Variants in A4GNT observed in about 807,000 individuals in gnomAD.
A4GNT encodes alpha-1,4-N-acetylglucosaminyltransferase.
Under a neutral mutation model 8.3 loss-of-function variants are expected in A4GNT, and 6 were observed. The ratio of observed to expected loss-of-function variants is 0.72; its 90% CI spans 0.39 to 1.42. The LOEUF is 1.42. Ranked by LOEUF, A4GNT falls within the 40% of genes most tolerant of loss-of-function variation. A4GNT has a pLI of 0.02. For missense variants in A4GNT, 377 were observed against 417.0 expected, an observed-to-expected ratio of 0.90 and a Z score of 0.84; for synonymous variants, 157 against 159.8, an observed-to-expected ratio of 0.98 and a Z score of 0.13.
chr3:138,131,341 A>C lies in A4GNT; in HGVS notation c.-26-59T>G, dbSNP rs537260437. 166 of 1,324,440 alleles carry C rather than the reference A, an allele frequency of 1.3e-4. 1 individual carries two copies. Among genetic ancestry groups the C allele is most frequent in the Middle Eastern group, 2.3e-4 (1 of 4,266 alleles). 82.0% of individuals were successfully genotyped at this position (1,324,440 alleles called of 1,614,324 possible). On this transcript the variant is annotated intron_variant, in intron 1 of 2. Transcript: ENST00000236709. The stretch of plus-strand genomic sequence containing the variant: ...CTGCAAAACCTGACAAAGATAGCAC[A>C]CAAGAAAATGATACATGAATATCAT...
rs552519223 is a variant in A4GNT, at chr3:138,125,941, G to A, written c.409-1063C>T. Among the ~76,000 whole-genome samples, 11 of 152,288 alleles carry A rather than the reference G, an allele frequency of 7.2e-5. No homozygotes were observed. The South Asian group carries it at 2.1e-3, about 29-fold the overall frequency. ...TGAGATCAGAATTGGAGAGGGGTGGGGAGGGAGGCCGGATCATGTAGGCTG... is the reference window on the plus strand; with the variant it reads ...TGAGATCAGAATTGGAGAGGGGTGGAGAGGGAGGCCGGATCATGTAGGCTG... On this transcript the variant is annotated intron_variant, in intron 2 of 2. Coordinates refer to ENST00000236709, the MANE Select transcript of A4GNT (RefSeq NM_016161.3).
At chr3:138,126,556 T>C (rs937712345) in intron 2 of A4GNT, among the ~76,000 whole-genome samples, 1 of 147,532 alleles carries the variant, frequency 6.8e-6, no homozygotes, top group Admixed American at 6.9e-5. Context: ...CTGGGCATGG[T>C]GGCTCACACC....
At chr3:138,127,499 G>C (rs113959159) in intron 2 of A4GNT, among the ~76,000 whole-genome samples, 1 of 151,754 alleles carries the variant, frequency 6.6e-6, no homozygotes, top group African/African-American at 2.4e-5. Flanking sequence ...GCTTGAACCC[G>C]GGAAGCGGAG....
intron 2 of A4GNT, among the ~76,000 whole-genome samples, chr3:138,126,277 C>T (rs1370320443): frequency 6.6e-6 from 1 of 151,888 alleles, no homozygotes; most frequent in African/African-American, 2.4e-5. Context: ...GTGGGTAAAA[C>T]AGAAAATGAC....
chr3:138,130,251 T>C (rs1241773833), intron 2 of A4GNT, among the ~76,000 whole-genome samples: 1 of 152,194 alleles, frequency 6.6e-6, no homozygotes, highest in East Asian at 1.9e-4. Context: ...AATGGAATCA[T>C]TGAGTTGTTG....
At chr3:138,132,883 CT>C (rs1466804245), upstream of A4GNT, among the ~76,000 whole-genome samples, 1 of 152,204 alleles carries the variant, frequency 6.6e-6, no homozygotes, top group Non-Finnish European at 1.5e-5. Context: ...GTCACAGTGG[CT>C]GCAGGAAGGC....
At chr3:138,130,713 C>T (rs981177236) in intron 2 of A4GNT, 136 bp downstream of exon 2, 1 of 871,044 alleles carries the variant, frequency 1.1e-6, no homozygotes, top group Non-Finnish European at 1.7e-6. Flanking sequence ...TGAATCAGTT[C>T]TCAACATGGT....
intron 2 of A4GNT, among the ~76,000 whole-genome samples, chr3:138,127,445 G>A (rs767961542): frequency 1.3e-4 from 19 of 151,718 alleles, no homozygotes; most frequent in South Asian, 2.1e-4. Context: ...ATGGTGGTGC[G>A]TGCTTGTAGT....
At position 138,128,124 on chromosome 3, in the gene A4GNT, A is replaced by C. The variant is rs77344665; in HGVS notation, c.408+2725T>G. On this transcript the variant is annotated intron_variant, in intron 2 of 2. Coordinates refer to ENST00000236709, the MANE Select transcript of A4GNT (RefSeq NM_016161.3). ...CCAGTTAGATTTCTTCAGTTCAGAAAGATAAAGAGGCTTTAATATCCTCAT... is the reference window on the plus strand; with the variant it reads ...CCAGTTAGATTTCTTCAGTTCAGAACGATAAAGAGGCTTTAATATCCTCAT... 5.2e-3 allele frequency among the ~76,000 whole-genome samples: 790 copies of C among 152,350 alleles called. 4 individuals carry two copies. Among genetic ancestry groups the C allele is most frequent in the African/African-American group, 0.018 (736 of 41,582 alleles).
At chr3:138,130,555 A>G (rs2042770069) in intron 2 of A4GNT, among the ~76,000 whole-genome samples, 1 of 152,256 alleles carries the variant, frequency 6.6e-6, no homozygotes, top group South Asian at 2.1e-4. Context: ...TGTAGTGAAA[A>G]ATAAGTGTCC....
In A4GNT at chr3:138,124,294, C is replaced by T; in HGVS notation, c.993G>A (p.Val331=). The T allele has an allele frequency of 6.2e-7, 1 of 1,614,102 alleles. No homozygotes were observed. The highest frequency in any genetic ancestry group is 8.5e-7 in the Non-Finnish European group (1 of 1,179,998). Residue 331 remains valine, a synonymous_variant, in exon 3 of 3, where the codon GTG becomes GTA. Coordinates refer to ENST00000236709, the MANE Select transcript of A4GNT (RefSeq NM_016161.3). Reference sequence around the variant, plus strand: ...TGTTACCTGGACCCAGCTCCCCAGTCACTGACCCCTCTGGGCCTTTAATCA... The same window carrying T: ...TGTTACCTGGACCCAGCTCCCCAGTTACTGACCCCTCTGGGCCTTTAATCA... ...RDLIKGPEGS[V]TGELGPGNK
At position 138,124,826 on chromosome 3, in the gene A4GNT, C is replaced by A. The variant is rs2042736039; in HGVS notation, c.461G>T (p.Arg154Leu). Residue 154 changes from arginine (R) to leucine (L), a missense_variant, in exon 3 of 3, where the codon CGC becomes CTC. Physicochemically the swap from Arg to Leu is moderately radical, Grantham distance 102. Coordinates refer to ENST00000236709, the MANE Select transcript of A4GNT (RefSeq NM_016161.3). ...NWLHISSDAS[R>L]LAIIWKYGGI... ...ACCGTATTTCCAGATGATGGCCAGG[C>A]GGGATGCATCCGAGCTGATGTGGAG... 1 of 1,613,726 alleles carries A rather than the reference C, an allele frequency of 6.2e-7. No individual in the cohort carries two copies. The highest frequency in any genetic ancestry group is 1.3e-5 in the African/African-American group (1 of 74,992).
At position 138,124,566 on chromosome 3, in the gene A4GNT, A is replaced by T; in HGVS notation, c.721T>A (p.Phe241Ile). The T allele has an allele frequency of 6.2e-7, 1 of 1,614,242 alleles. No individual in the cohort carries two copies. Among genetic ancestry groups the T allele is most frequent in the Non-Finnish European group, 8.5e-7 (1 of 1,180,042 alleles). The change falls in exon 3 of 3, where the codon TTC becomes ATC. Residue 241 changes from phenylalanine to isoleucine, a missense_variant. Coordinates refer to ENST00000236709, the MANE Select transcript of A4GNT (RefSeq NM_016161.3). ...CACCTGAGGTCGCTCACCTCCTGGAAGTCTTCAAGTTTACACCATACCCTC... is the reference window on the plus strand; with the variant it reads ...CACCTGAGGTCGCTCACCTCCTGGATGTCTTCAAGTTTACACCATACCCTC... ...MLRVWCKLED[F>I]QEVSDLRCLN...
upstream of A4GNT, chr3:138,132,407 A>T (rs1050012544): frequency 2.0e-5 from 3 of 152,248 alleles, no homozygotes; most frequent in Non-Finnish European, 2.9e-5. Context: ...TTCCTGCTAC[A>T]CTTTCTGATA....
chr3:138,132,056 A>G (rs2042781697), intron 1 of A4GNT, among the ~76,000 whole-genome samples, 156 bp downstream of exon 1: 1 of 152,232 alleles, frequency 6.6e-6, no homozygotes, highest in Non-Finnish European at 1.5e-5. Flanking sequence ...AACATAACTG[A>G]AAAACTAATA....
At chr3:138,125,432 A>C (rs1020767586) in intron 2 of A4GNT, among the ~76,000 whole-genome samples, 1 of 152,234 alleles carries the variant, frequency 6.6e-6, no homozygotes, top group African/African-American at 2.4e-5. Flanking sequence ...GCCGAATTCT[A>C]TTAAAACTGC....
intron 2 of A4GNT, among the ~76,000 whole-genome samples, chr3:138,125,774 T>C (rs530093686): frequency 4.2e-4 from 64 of 152,252 alleles, no homozygotes; most frequent in African/African-American, 1.4e-3. Flanking sequence ...GTTCCACAAA[T>C]GCAGGGCATA....
At chr3:138,130,723 T>TA (rs1346379193) in intron 2 of A4GNT, 126 bp downstream of exon 2, 5 of 983,984 alleles carry the variant, frequency 5.1e-6, no homozygotes, top group Non-Finnish European at 7.4e-6. Flanking sequence ...CTCAACATGG[T>TA]AAAAAGAGGG....
intron 2 of A4GNT, among the ~76,000 whole-genome samples, chr3:138,126,913 C>T (rs149239905): frequency 2.0e-5 from 3 of 151,294 alleles, no homozygotes; most frequent in East Asian, 2.0e-4. Flanking sequence ...GGGCAGATCA[C>T]GAGGTCAGGA....
Sources: gnomAD v4.1 joint callset for allele counts (sites outside exome capture counted in the v4.1 genomes callset) on GRCh38, gnomAD v4.1.1 for gene constraint, MANE v1.5 for transcripts, NCBI Gene and HGNC (gene_info 2026-07-23, HGNC 2026-07-21) for gene names.